ZBTB20: variants seen among roughly 807,000 people sequenced by gnomAD.
ZBTB20 encodes zinc finger and BTB domain-containing protein 20.
ZBTB20 carries 9 observed loss-of-function variants against 56.9 expected under a neutral mutation model. The observed-to-expected ratio is 0.16, with a 90% CI of 0.10 to 0.28. ZBTB20 has a LOEUF of 0.28. ZBTB20 is among the 10% of genes least tolerant of loss of function. ZBTB20 has a pLI of 1.00. For synonymous variants in ZBTB20, 417 were observed against 420.7 expected (o/e 0.99, Z 0.11); for missense variants, 655 against 1,003.0 (o/e 0.65, Z 4.69).
At chr3:114,780,453 G>A (rs1180536327) in intron 5 of ZBTB20, among the ~76,000 whole-genome samples, 1 of 152,174 alleles carries the variant, frequency 6.6e-6, no homozygotes, top group African/African-American at 2.4e-5. Flanking sequence ...GTCATTGCTA[G>A]AGACTAGCTT....
chr3:114,841,914 A>G (rs2074400919), intron 4 of ZBTB20, among the ~76,000 whole-genome samples: 1 of 152,230 alleles, frequency 6.6e-6, no homozygotes, highest in African/African-American at 2.4e-5. Flanking sequence ...GAGAGAGTTC[A>G]GAGAACATCA....
At chr3:114,578,417 A>C (rs2054310626) in intron 6 of ZBTB20, among the ~76,000 whole-genome samples, 1 of 152,030 alleles carries the variant, frequency 6.6e-6, no homozygotes, top group African/African-American at 2.4e-5. Context: ...GAAAAGGATA[A>C]TAGCTGAGAA....
At chr3:115,023,103 T>C (rs1015199437) in intron 2 of ZBTB20, among the ~76,000 whole-genome samples, 2 of 150,782 alleles carry the variant, frequency 1.3e-5, no homozygotes, top group Non-Finnish European at 1.5e-5. Context: ...ACTATATAAA[T>C]AGAGAGGGAA....
chr3:114,696,498 G>A (rs562039214), intron 5 of ZBTB20, among the ~76,000 whole-genome samples: 2 of 152,086 alleles, frequency 1.3e-5, no homozygotes, highest in East Asian at 3.9e-4. Context: ...TCTTCTAAGA[G>A]ATGCCTAACA....
intron 1 of ZBTB20, among the ~76,000 whole-genome samples, chr3:115,132,295 A>G (rs558898151): frequency 9.2e-5 from 14 of 152,284 alleles, no homozygotes; most frequent in South Asian, 2.1e-4. Flanking sequence ...GGAAAATGGA[A>G]TAATATTTTC....
chr3:114,875,076 T>C (rs2076144334), intron 4 of ZBTB20, among the ~76,000 whole-genome samples: 1 of 152,100 alleles, frequency 6.6e-6, no homozygotes, highest in South Asian at 2.1e-4. Context: ...CCTATCTTAA[T>C]AAGGAATGAC....
intron 2 of ZBTB20, among the ~76,000 whole-genome samples, chr3:115,065,165 A>C (rs2082163066): frequency 6.6e-6 from 1 of 152,076 alleles, no homozygotes. Flanking sequence ...ATTTTCAGGA[A>C]AATTTCTATC....
At chr3:114,341,138 G>A (rs2466359) in intron 11 of ZBTB20, among the ~76,000 whole-genome samples, 132,770 of 152,266 alleles carry the variant, frequency 0.87, 59,689 homozygotes, top group East Asian at 1. Context: ...AGTATGCTGC[G>A]TAAGATCACA....
intron 6 of ZBTB20, among the ~76,000 whole-genome samples, chr3:114,530,483 AC>A (rs887826270): frequency 6.6e-6 from 1 of 152,196 alleles, no homozygotes; most frequent in African/African-American, 2.4e-5. Context: ...TATTGTTCAC[AC>A]AACGATGAAA....
chr3:114,723,058 C>A (rs1423240840), intron 5 of ZBTB20, among the ~76,000 whole-genome samples: 1 of 152,124 alleles, frequency 6.6e-6, no homozygotes, highest in Non-Finnish European at 1.5e-5. Flanking sequence ...GATAGCTAGC[C>A]CTGAATCTGG....
At chr3:114,925,040 G>A (rs1308861578) in intron 3 of ZBTB20, among the ~76,000 whole-genome samples, 5 of 141,086 alleles carry the variant, frequency 3.5e-5, no homozygotes, top group African/African-American at 1.3e-4. Flanking sequence ...ATGGAGTGCA[G>A]TGGCGCAATC....
chr3:114,749,363 C>A (rs1038647768), intron 5 of ZBTB20, among the ~76,000 whole-genome samples: 1 of 151,996 alleles, frequency 6.6e-6, no homozygotes, highest in Admixed American at 6.6e-5. Flanking sequence ...ACCAGCCTGG[C>A]CAACATAGTG....
intron 3 of ZBTB20, 139 bp from the exon 4 acceptor site, chr3:114,900,481 C>T (rs547826183): frequency 1.6e-4 from 24 of 149,854 alleles, no homozygotes; most frequent in African/African-American, 5.1e-4. Context: ...AATATTTTCC[C>T]TATAGGATAT....
At chr3:114,875,923 A>C (rs922379886) in intron 4 of ZBTB20, among the ~76,000 whole-genome samples, 1 of 152,070 alleles carries the variant, frequency 6.6e-6, no homozygotes. Context: ...ACCATGGACA[A>C]TATTATACAT....
At chr3:114,809,528 CTT>C (rs1410059776) in intron 4 of ZBTB20, among the ~76,000 whole-genome samples, 2 of 151,906 alleles carry the variant, frequency 1.3e-5, no homozygotes, top group South Asian at 2.1e-4. Flanking sequence ...TAAAATAACA[CTT>C]ATGTTTATAT....
At chr3:114,787,722 T>G (rs530992488) in intron 5 of ZBTB20, among the ~76,000 whole-genome samples, 2 of 152,026 alleles carry the variant, frequency 1.3e-5, no homozygotes, top group African/African-American at 4.8e-5. Flanking sequence ...AGTAAAAATA[T>G]TCAACATTTT....
At chr3:114,675,503 T>C (rs371343437) in intron 6 of ZBTB20, among the ~76,000 whole-genome samples, 57 of 152,286 alleles carry the variant, frequency 3.7e-4, no homozygotes, top group African/African-American at 1.3e-3. Flanking sequence ...TTCCTTTATG[T>C]ATTCAGAAGA....
intron 3 of ZBTB20, among the ~76,000 whole-genome samples, chr3:114,939,844 G>A (rs1337732598): frequency 6.8e-6 from 1 of 146,086 alleles, no homozygotes; most frequent in Non-Finnish European, 1.5e-5. Context: ...CTCCAGGCTG[G>A]GTGACACACC....
chr3:114,514,881 T>C (rs7632277), intron 6 of ZBTB20, among the ~76,000 whole-genome samples: 56,579 of 152,100 alleles, frequency 0.37, 12,495 homozygotes, highest in African/African-American at 0.63. Flanking sequence ...AACAATTTGC[T>C]TCTTGTCAAG....
Sources: gnomAD v4.1 joint callset for allele counts (sites outside exome capture counted in the v4.1 genomes callset) on GRCh38, gnomAD v4.1.1 for gene constraint, MANE v1.5 for transcripts, NCBI Gene and HGNC (gene_info 2026-07-23, HGNC 2026-07-21) for gene names.